The following PTN variants were observed in gnomAD, a reference collection of about 807,000 sequenced individuals.
The protein encoded by PTN is heparin affin regulatory protein.
In PTN, 18 loss-of-function variants were observed where a neutral mutation model predicts 24.1. That is an observed-to-expected ratio of 0.75 (90% CI 0.52 to 1.11). The LOEUF is 1.11. Among genes scored for constraint, PTN ranks in the 50% least tolerant of loss-of-function variants. PTN has a pLI of 0.00. For missense variants in PTN, 163 were observed against 198.8 expected, an observed-to-expected ratio of 0.82 and a Z score of 1.08; for synonymous variants, 78 against 68.6, an observed-to-expected ratio of 1.14 and a Z score of -0.67.
At chr7:137,273,337 T>C (rs187646507) in intron 1 of PTN, among the ~76,000 whole-genome samples, 39 of 152,350 alleles carry the variant, frequency 2.6e-4, no homozygotes, top group African/African-American at 9.1e-4. Context: ...CATGAATTCA[T>C]GTTGGATGTT....
chr7:137,260,612 C>T (rs1220366663), intron 1 of PTN, among the ~76,000 whole-genome samples: 1 of 152,046 alleles, frequency 6.6e-6, no homozygotes, highest in Non-Finnish European at 1.5e-5. Context: ...TTTACTTTTA[C>T]AAAGCCCAGG....
intron 1 of PTN, among the ~76,000 whole-genome samples, chr7:137,277,883 GTAGATAGATAGATAGATGAGATGATAGA>G (rs1320353375): frequency 8.3e-5 from 5 of 60,352 alleles, no homozygotes; most frequent in East Asian, 4.9e-4. Flanking sequence ...AAATATATAT[GTAGATAGATAGATAGATGAGATGATAGA>G]TAGATAGATA....
In PTN at chr7:137,251,325, G is replaced by C. The variant is rs753642350; in HGVS notation, c.356C>G (p.Thr119Ser). The change falls in exon 4 of 5, where the codon ACT (threonine) becomes AGT (serine). Residue 119 changes from threonine (T) to serine (S), a missense_variant. Transcript: ENST00000348225. The part of the protein sequence containing the change: ...CDLNTALKTR[T>S]GSLKRALHNA... ...GTGCAGGGCTCGCTTCAGACTTCCA[G>C]TTCTGGTCTTCAGGGCTGTGTTCAG... 2 of 1,614,116 alleles carry C rather than the reference G, an allele frequency of 1.2e-6. No homozygotes were observed. The highest frequency in any genetic ancestry group is 1.7e-6 in the Non-Finnish European group (2 of 1,179,998).
At chr7:137,244,374 A>T (rs1203754528) in intron 4 of PTN, among the ~76,000 whole-genome samples, 1 of 131,166 alleles carries the variant, frequency 7.6e-6, no homozygotes. Context: ...TCTCCTCAGA[A>T]TTTTTTTTTT....
intron 1 of PTN, among the ~76,000 whole-genome samples, chr7:137,307,242 C>T (rs1809903768): frequency 6.6e-6 from 1 of 152,036 alleles, no homozygotes; most frequent in Admixed American, 6.6e-5. Context: ...ATGCTGGGCC[C>T]ACTGAAGCAC....
chr7:137,311,002 T>A (rs191134725), intron 1 of PTN, among the ~76,000 whole-genome samples: 2 of 152,166 alleles, frequency 1.3e-5, no homozygotes, highest in East Asian at 3.9e-4. Flanking sequence ...GAGGCCAACG[T>A]GAGCAGATCA....
intron 1 of PTN, among the ~76,000 whole-genome samples, chr7:137,341,090 G>A (rs865807141): frequency 6.6e-6 from 1 of 152,204 alleles, no homozygotes; most frequent in Middle Eastern, 3.4e-3. Context: ...TGACAAATAG[G>A]AATATGGTCA....
Position 137,328,075 on chromosome 7 carries a change from AT to A in PTN, c.-2+15363del, listed in dbSNP as rs761401020. Reference sequence around the variant, plus strand: ...TCACTAACTATATTATAAAATAAAAATGTCTTACTTCCCTGTTTCAGCTGTA... The same window carrying A: ...TCACTAACTATATTATAAAATAAAAAGTCTTACTTCCCTGTTTCAGCTGTA... On this transcript the variant is annotated intron_variant, in intron 1 of 4. Coordinates refer to ENST00000348225, the MANE Select transcript of PTN (RefSeq NM_002825.7). Among the ~76,000 whole-genome samples, 63 of 152,294 alleles carry A rather than the reference AT, an allele frequency of 4.1e-4. 1 individual carries two copies. Among genetic ancestry groups the A allele is most frequent in the Non-Finnish European group, 5.4e-4 (37 of 68,008 alleles).
intron 4 of PTN, among the ~76,000 whole-genome samples, chr7:137,248,928 GAAT>G (rs1188867440): frequency 2.0e-5 from 3 of 151,912 alleles, no homozygotes; most frequent in Non-Finnish European, 2.9e-5. Context: ...ATTTACGTAT[GAAT>G]ATTACAGAAT....
intron 1 of PTN, among the ~76,000 whole-genome samples, chr7:137,258,034 C>A (rs993302663): frequency 6.6e-6 from 1 of 152,124 alleles, no homozygotes; most frequent in African/African-American, 2.4e-5. Flanking sequence ...CTATCACTGG[C>A]AAGTTTTAAC....
intron 1 of PTN, among the ~76,000 whole-genome samples, chr7:137,295,981 T>G (rs1278426178): frequency 1.3e-5 from 2 of 152,094 alleles, no homozygotes; most frequent in South Asian, 4.1e-4. Flanking sequence ...CTTGAGTGAT[T>G]AGTGAACAAG....
intron 1 of PTN, among the ~76,000 whole-genome samples, chr7:137,296,729 C>G (rs1809724189): frequency 6.6e-6 from 1 of 152,038 alleles, no homozygotes; most frequent in African/African-American, 2.4e-5. Context: ...CAATTTCTGG[C>G]TTAGCAATAC....
chr7:137,324,941 G>A (rs1490480626), intron 1 of PTN: 1 of 152,174 alleles, frequency 6.6e-6, no homozygotes, highest in African/African-American at 2.4e-5. Context: ...TTGTTTCAGA[G>A]TATGAAACAG....
At chr7:137,304,621 G>C (rs1309923747) in intron 1 of PTN, among the ~76,000 whole-genome samples, 3 of 152,050 alleles carry the variant, frequency 2.0e-5, no homozygotes, top group Non-Finnish European at 4.4e-5. Context: ...TGGAATGCAA[G>C]CTGCAAGTTC....
intron 1 of PTN, among the ~76,000 whole-genome samples, chr7:137,268,041 A>G (rs1189738834): frequency 1.3e-5 from 2 of 152,054 alleles, no homozygotes; most frequent in Non-Finnish European, 2.9e-5. Context: ...CCACGCTTCC[A>G]CTCAAATGAG....
chr7:137,236,013 A>G (rs1808514164), intron 4 of PTN: 1 of 590,476 alleles, frequency 1.7e-6, no homozygotes, highest in Non-Finnish European at 3.0e-6. Flanking sequence ...CAGAAAGTTT[A>G]GCTATGAAAG....
At chr7:137,257,489 G>A (rs1480302855) in intron 1 of PTN, among the ~76,000 whole-genome samples, 1 of 152,130 alleles carries the variant, frequency 6.6e-6, no homozygotes, top group Non-Finnish European at 1.5e-5. Flanking sequence ...TTGGGCACTG[G>A]TACATCAGTG....
chr7:137,284,384 C>CT (rs1169677975), intron 1 of PTN, among the ~76,000 whole-genome samples: 3 of 152,078 alleles, frequency 2.0e-5, no homozygotes, highest in Admixed American at 6.5e-5. Context: ...ATTTTTCTTT[C>CT]TTTTTTTCTA....
At chr7:137,324,433 A>AAAAAAAAAAAAAAAAAAATATATAT in intron 1 of PTN, among the ~76,000 whole-genome samples, 4 of 88,760 alleles carry the variant, frequency 4.5e-5, no homozygotes, top group African/African-American at 2.8e-4. Context: ...AAAAAAAAAA[A>AAAAAAAAAAAAAAAAAAATATATAT]ATATATATAT....
Sources: gnomAD v4.1 joint callset for allele counts (sites outside exome capture counted in the v4.1 genomes callset) on GRCh38, gnomAD v4.1.1 for gene constraint, MANE v1.5 for transcripts, NCBI Gene and HGNC (gene_info 2026-07-23, HGNC 2026-07-21) for gene names.